The following DPYD variants were observed in gnomAD, a reference collection of about 807,000 sequenced individuals.
DPYD encodes dihydropyrimidine dehydrogenase, also known as dihydropyrimidine dehydrogenase [NADP(+)].
In DPYD, 109 loss-of-function variants were observed where a neutral mutation model predicts 116.2. That is an observed-to-expected ratio of 0.94 (90% CI 0.80 to 1.10). The LOEUF (loss-of-function observed/expected upper bound fraction) is 1.10, where lower values mean the gene tolerates loss of function less well. DPYD is among the 50% of genes least tolerant of loss of function. The pLI is 0.00. For missense variants in DPYD, 1,302 were observed against 1,254.5 expected (o/e 1.04, Z -0.57); for synonymous variants, 440 against 432.0 (o/e 1.02, Z -0.23).
intron 19 of DPYD, among the ~76,000 whole-genome samples, chr1:97,224,339 A>C (rs1242243774): frequency 6.6e-6 from 1 of 152,016 alleles, no homozygotes; most frequent in Non-Finnish European, 1.5e-5. Context: ...TCTCTAGCTA[A>C]TTCCTTAGTT....
intron 11 of DPYD, among the ~76,000 whole-genome samples, chr1:97,561,738 G>A (rs1271138196): frequency 2.6e-5 from 4 of 151,914 alleles, no homozygotes; most frequent in African/African-American, 7.3e-5. Context: ...CTATTATTTC[G>A]CATATACCTT....
intron 21 of DPYD, among the ~76,000 whole-genome samples, chr1:97,088,970 T>C (rs1226743789): frequency 6.6e-6 from 1 of 152,196 alleles, no homozygotes; most frequent in East Asian, 1.9e-4. Context: ...TGTTCCCTCC[T>C]GTTTATGCTC....
chr1:97,693,867 G>A (rs1198507072), intron 6 of DPYD, among the ~76,000 whole-genome samples: 3 of 152,108 alleles, frequency 2.0e-5, no homozygotes, highest in African/African-American at 7.2e-5. Context: ...GAAAAAAAAT[G>A]GTGTGAGTGC....
In DPYD at chr1:97,841,193, T is replaced by C. The variant is rs1294748839; in HGVS notation, c.151-12997A>G. Among the ~76,000 whole-genome samples, 5 of 151,866 alleles carry C rather than the reference T, an allele frequency of 3.3e-5. No homozygotes were observed. The East Asian group carries it at 7.8e-4, about 24-fold the overall frequency. ...AAATTTGAAAATTGAATGAAGAGAGTTGATTATGTAGATTGCAAGGCTCAG... is the reference window on the plus strand; with the variant it reads ...AAATTTGAAAATTGAATGAAGAGAGCTGATTATGTAGATTGCAAGGCTCAG... On this transcript the variant is annotated intron_variant, in intron 2 of 22. Coordinates refer to ENST00000370192, the MANE Select transcript of DPYD (RefSeq NM_000110.4).
At chr1:97,762,138 A>G (rs1665607973) in intron 3 of DPYD, among the ~76,000 whole-genome samples, 2 of 152,126 alleles carry the variant, frequency 1.3e-5, no homozygotes, top group African/African-American at 4.8e-5. Context: ...AAACCTGCAC[A>G]TGGACTCTTG....
At chr1:97,489,108 T>C (rs1455645383) in intron 13 of DPYD, among the ~76,000 whole-genome samples, 1 of 152,230 alleles carries the variant, frequency 6.6e-6, no homozygotes, top group African/African-American at 2.4e-5. Context: ...GTACAAAAAA[T>C]GTAGTTGAAG....
intron 7 of DPYD, 110 bp from the exon 8 acceptor site, chr1:97,679,292 A>G (rs755266643): frequency 1.7e-6 from 1 of 601,720 alleles, no homozygotes; most frequent in South Asian, 2.2e-5. Flanking sequence ...ATGAGATTCC[A>G]TATAAAATGT....
At chr1:97,872,630 A>T (rs1671714517) in intron 2 of DPYD, among the ~76,000 whole-genome samples, 1 of 151,986 alleles carries the variant, frequency 6.6e-6, no homozygotes, top group Non-Finnish European at 1.5e-5. Flanking sequence ...ACTAGGAAAA[A>T]ACATACTTTT....
At chr1:97,845,189 T>C (rs895033915) in intron 2 of DPYD, among the ~76,000 whole-genome samples, 2 of 152,184 alleles carry the variant, frequency 1.3e-5, no homozygotes, top group Non-Finnish European at 2.9e-5. Flanking sequence ...AGCCAGGGAC[T>C]TCCTGAAGCA....
chr1:97,137,805 C>T (rs1345589558), intron 20 of DPYD, among the ~76,000 whole-genome samples: 1 of 152,100 alleles, frequency 6.6e-6, no homozygotes, highest in African/African-American at 2.4e-5. Flanking sequence ...GAAACAACTT[C>T]ATCTTGGGAA....
intron 18 of DPYD, among the ~76,000 whole-genome samples, chr1:97,288,292 AC>A (rs1163032397): frequency 3.3e-5 from 5 of 151,010 alleles, no homozygotes; most frequent in Middle Eastern, 3.4e-3. Flanking sequence ...CAGAAAGTTA[AC>A]AAGGATACAC....
rs1484384162 is a variant in DPYD, at chr1:97,213,892, C to T, written c.2443-20644G>A. Among the ~76,000 whole-genome samples, 5 of 152,186 alleles carry T rather than the reference C, an allele frequency of 3.3e-5. No individual in the cohort carries two copies. The South Asian group carries it at 6.2e-4, about 19-fold the overall frequency. ...GAGAAACGGCAAAAGGATGATATTC[C>T]CCCTCTCGAGTTACTAAAATGCCCA... On this transcript the variant is annotated intron_variant, in intron 19 of 22. Transcript: ENST00000370192.
Position 97,920,894 on chromosome 1 carries a change from G to A in DPYD, c.29C>T (p.Ala10Val), listed in dbSNP as rs1347103587. The A allele has an allele frequency of 1.3e-6, 2 of 1,593,686 alleles. No homozygotes were observed. The highest frequency in any genetic ancestry group is 1.7e-6 in the Non-Finnish European group (2 of 1,170,504). The change falls in exon 1 of 23, where the codon GCG (alanine) becomes GTG (valine). Residue 10 changes from alanine to valine, a missense_variant. Transcript: ENST00000370192. ...GCGCGAAGTCCGTACCTCGATGTCC[G>A]CCGAGTCCTTACTGAGCACAGGGGC... MAPVLSKDS[A>V]DIESILALNP...
At chr1:97,188,138 G>T (rs1289591916) in intron 20 of DPYD, among the ~76,000 whole-genome samples, 1 of 152,006 alleles carries the variant, frequency 6.6e-6, no homozygotes, top group East Asian at 1.9e-4. Flanking sequence ...TACAATTTTG[G>T]TTTCTATTAT....
rs747132274 is a variant in DPYD, at chr1:97,234,946, C to G, written c.2348G>C (p.Arg783Pro). The G allele has an allele frequency of 5.6e-6, 9 of 1,613,966 alleles. No homozygotes were observed. Among genetic ancestry groups the G allele is most frequent in the Non-Finnish European group, 7.6e-6 (9 of 1,179,970 alleles). The part of the protein sequence containing the change: ...IALRAVTSIA[R>P]ALPGFPILAT... ...CAAAATGGGAAATCCAGGCAGAGCACGAGCAATGGAGGTCACAGCTCTCAA... is the reference window on the plus strand; with the variant it reads ...CAAAATGGGAAATCCAGGCAGAGCAGGAGCAATGGAGGTCACAGCTCTCAA... The change falls in exon 19 of 23, where the codon CGT (arginine) becomes CCT (proline). Residue 783 changes from arginine to proline, a missense_variant. By Grantham distance (103) the Arg-to-Pro change is moderately radical. Transcript: ENST00000370192.
intron 3 of DPYD, among the ~76,000 whole-genome samples, chr1:97,793,148 C>A (rs552103161): frequency 6.6e-6 from 1 of 152,038 alleles, no homozygotes; most frequent in Non-Finnish European, 1.5e-5. Flanking sequence ...TTTTCTGTAA[C>A]CCTAAAACTA....
intron 18 of DPYD, among the ~76,000 whole-genome samples, chr1:97,272,651 C>T (rs535920441): frequency 6.6e-6 from 1 of 152,212 alleles, no homozygotes; most frequent in East Asian, 1.9e-4. Flanking sequence ...CGTTACACAT[C>T]TTGGCTGTTT....
At chr1:97,637,163 C>T (rs1187794623) in intron 8 of DPYD, among the ~76,000 whole-genome samples, 1 of 152,138 alleles carries the variant, frequency 6.6e-6, no homozygotes, top group Non-Finnish European at 1.5e-5. Flanking sequence ...CATAAATCCT[C>T]TCTTCAGGAG....
At chr1:97,404,208 A>G (rs1458499535) in intron 14 of DPYD, among the ~76,000 whole-genome samples, 2 of 152,056 alleles carry the variant, frequency 1.3e-5, no homozygotes, top group African/African-American at 2.4e-5. Flanking sequence ...ATGGTCCAGA[A>G]TGTGGTCTAT....
Sources: allele counts gnomAD v4.1 joint callset (sites outside exome capture counted in the v4.1 genomes callset), GRCh38; gene constraint gnomAD v4.1.1; transcripts MANE v1.5; gene names NCBI Gene and HGNC (gene_info 2026-07-23, HGNC 2026-07-21).